Variants in MBD5 observed in about 807,000 individuals in gnomAD.
The protein encoded by MBD5 is methyl-CpG-binding domain protein 5.
In MBD5, 13 loss-of-function variants were observed where a neutral mutation model predicts 117.3. That is an observed-to-expected ratio of 0.11 (90% CI 0.07 to 0.18). The LOEUF (loss-of-function observed/expected upper bound fraction) is 0.18. MBD5 is among the 10% of genes least tolerant of loss of function. MBD5 has a pLI of 1.00. For synonymous variants in MBD5, 727 were observed against 766.4 expected, an observed-to-expected ratio of 0.95 and a Z score of 0.85; for missense variants, 1,879 against 2,093.8, an observed-to-expected ratio of 0.90 and a Z score of 2.00.
At chr2:148,265,575 G>T (rs1700837139) in intron 3 of MBD5, among the ~76,000 whole-genome samples, 1 of 151,916 alleles carries the variant, frequency 6.6e-6, no homozygotes, top group Non-Finnish European at 1.5e-5. Context: ...TCACATTATT[G>T]AATTACTTCA....
chr2:148,340,220 A>C (rs1000288671), intron 3 of MBD5, among the ~76,000 whole-genome samples: 16 of 152,086 alleles, frequency 1.1e-4, no homozygotes, highest in African/African-American at 3.9e-4. Flanking sequence ...AAGGTAAACA[A>C]ATTACTTGTC....
At chr2:148,228,526 A>G (rs1699897452) in intron 2 of MBD5, among the ~76,000 whole-genome samples, 1 of 152,194 alleles carries the variant, frequency 6.6e-6, no homozygotes, top group African/African-American at 2.4e-5. Flanking sequence ...TATTTTATTG[A>G]GGATTTTTGC....
At chr2:148,240,380 A>G (rs1359068450) in intron 3 of MBD5, among the ~76,000 whole-genome samples, 1 of 151,752 alleles carries the variant, frequency 6.6e-6, no homozygotes, top group Non-Finnish European at 1.5e-5. Flanking sequence ...ACAAACCTCC[A>G]TGTTGTGCAC....
intron 3 of MBD5, among the ~76,000 whole-genome samples, chr2:148,289,568 A>T (rs1178592538): frequency 6.6e-6 from 1 of 152,170 alleles, no homozygotes; most frequent in East Asian, 1.9e-4. Context: ...TTATCCTTTA[A>T]CTCAGTTTCT....
rs759627911 is a variant in MBD5, at chr2:148,516,153, G to T, written c.*3212G>T. 4 of 152,154 alleles carry T rather than the reference G, an allele frequency of 2.6e-5. No individual in the cohort carries two copies. The highest frequency in any genetic ancestry group is 6.5e-5 in the Admixed American group (1 of 15,278). 9.4% of individuals were successfully genotyped at this position (152,154 alleles called of 1,614,324 possible). A position where few individuals can be genotyped will look rare whatever the true frequency, so the allele number is the denominator to read the frequency against. Reference sequence around the variant, plus strand: ...GTTATTTCACTTTCTGTAAGTTTTAGGAAGATTCTTATATCCTACGAGGTG... The same window carrying T: ...GTTATTTCACTTTCTGTAAGTTTTATGAAGATTCTTATATCCTACGAGGTG... On this transcript the variant is annotated 3_prime_UTR_variant, in exon 14 of 14. Coordinates refer to ENST00000642680, the MANE Select transcript of MBD5 (RefSeq NM_001378120.1).
intron 8 of MBD5, chr2:148,471,285 G>A (rs890691763): frequency 6.6e-6 from 1 of 152,080 alleles, no homozygotes; most frequent in Non-Finnish European, 1.5e-5. Flanking sequence ...CCTGTATTTT[G>A]TGCAATAGAG....
intron 1 of MBD5, among the ~76,000 whole-genome samples, chr2:148,080,730 A>G (rs1695627792): frequency 6.6e-6 from 1 of 152,290 alleles, no homozygotes; most frequent in South Asian, 2.1e-4. Context: ...AATACATAAC[A>G]TACAACCTAG....
chr2:148,210,317 G>A (rs887597822), intron 2 of MBD5, among the ~76,000 whole-genome samples: 1 of 151,776 alleles, frequency 6.6e-6, no homozygotes, highest in African/African-American at 2.4e-5. Flanking sequence ...CCAATGTTAA[G>A]GATGTACCAT....
intron 9 of MBD5, 24 bp downstream of exon 9, chr2:148,484,159 T>G: frequency 7.0e-7 from 1 of 1,420,612 alleles, no homozygotes. Context: ...TTTCACAAAT[T>G]TTTTACAAAA....
chr2:148,243,950 A>G (rs1700278579), intron 3 of MBD5: 1 of 151,622 alleles, frequency 6.6e-6, no homozygotes, highest in Non-Finnish European at 1.5e-5. Context: ...GTATTTCTGA[A>G]TTACAAGTGA....
intron 1 of MBD5, among the ~76,000 whole-genome samples, chr2:148,140,776 T>TC (rs1425374878): frequency 1.3e-5 from 2 of 152,062 alleles, no homozygotes; most frequent in African/African-American, 2.4e-5. Context: ...TTTTTTTTTT[T>TC]CCCGAAGATA....
intron 1 of MBD5, among the ~76,000 whole-genome samples, chr2:148,140,146 C>A (rs866297440): frequency 5.3e-5 from 8 of 152,112 alleles, no homozygotes; most frequent in Admixed American, 1.3e-4. Context: ...AACACAGATT[C>A]TTTTATTCCC....
chr2:148,332,199 G>A (rs983163863), intron 3 of MBD5, among the ~76,000 whole-genome samples: 1 of 151,658 alleles, frequency 6.6e-6, no homozygotes, highest in South Asian at 2.1e-4. Flanking sequence ...CTACCCTACT[G>A]CCACAAGCAC....
intron 4 of MBD5, among the ~76,000 whole-genome samples, chr2:148,389,885 T>A (rs1704513620): frequency 6.6e-6 from 1 of 152,026 alleles, no homozygotes; most frequent in African/African-American, 2.4e-5. Context: ...CTGTAGGTTG[T>A]CTCTTTGTTG....
In MBD5 at chr2:148,261,857, C is replaced by G. The variant is rs116541724; in HGVS notation, c.-680+28462C>G. Among the ~76,000 whole-genome samples the G allele has an allele frequency of 1.6e-3, 238 of 152,294 alleles. 1 individual carries two copies. Among genetic ancestry groups the G allele is most frequent in the African/African-American group, 5.3e-3 (221 of 41,556 alleles). On this transcript the variant is annotated intron_variant, in intron 3 of 13. Transcript: ENST00000642680. The stretch of plus-strand genomic sequence containing the variant: ...TGTGATTCTTTCTTTCACCTGAACA[C>G]TTAAAGGCCATTGAAGTAATCTTGG...
chr2:148,364,180 G>T (rs1336941335), intron 4 of MBD5, among the ~76,000 whole-genome samples: 1 of 152,186 alleles, frequency 6.6e-6, no homozygotes, highest in East Asian at 1.9e-4. Context: ...AAAGAGTGGG[G>T]GCCAATATTC....
At chr2:148,331,924 T>A (rs1017371697) in intron 3 of MBD5, among the ~76,000 whole-genome samples, 54 of 152,144 alleles carry the variant, frequency 3.5e-4, no homozygotes, top group Admixed American at 8.5e-4. Flanking sequence ...AACACTTGCA[T>A]TTTATAATTA....
At chr2:148,095,660 T>A (rs1429731785) in intron 1 of MBD5, among the ~76,000 whole-genome samples, 1 of 152,114 alleles carries the variant, frequency 6.6e-6, no homozygotes, top group East Asian at 1.9e-4. Context: ...TTTATATAGA[T>A]TACTTATGAG....
chr2:148,351,500 C>G (rs62183966), intron 4 of MBD5, among the ~76,000 whole-genome samples: 42,128 of 151,854 alleles, frequency 0.28, 6,064 homozygotes, highest in African/African-American at 0.31. Context: ...TTTTATTTAT[C>G]CATTCATCAG....
Sources: allele counts gnomAD v4.1 joint callset (sites outside exome capture counted in the v4.1 genomes callset), GRCh38; gene constraint gnomAD v4.1.1; transcripts MANE v1.5; gene names NCBI Gene and HGNC (gene_info 2026-07-23, HGNC 2026-07-21).